CSMD1: variants seen among roughly 807,000 people sequenced by gnomAD.
The protein encoded by CSMD1 is CUB and Sushi multiple domains 1, also known as CUB and sushi domain-containing protein 1.
Under a neutral mutation model 417.5 loss-of-function variants are expected in CSMD1, and 213 were observed. The observed-to-expected ratio is 0.51, with a 90% confidence interval of 0.46 to 0.57. The LOEUF (loss-of-function observed/expected upper bound fraction) is 0.57. Among genes scored for constraint, CSMD1 ranks in the 20% least tolerant of loss-of-function variants. The probability of loss-of-function intolerance (pLI) is 0.00; values close to 1 mark genes in which losing one functional copy is unlikely to be tolerated. For missense variants in CSMD1, 6,923 were observed against 4,529.7 expected (o/e 1.53, Z -15.17); for synonymous variants, 2,862 against 1,736.8 (o/e 1.65, Z -16.11).
chr8:3,981,810 C>T (rs1158103104), intron 5 of CSMD1, among the ~76,000 whole-genome samples: 4 of 152,148 alleles, frequency 2.6e-5, no homozygotes. Context: ...GTTAGCAGAG[C>T]CTCACTTTTC....
At chr8:4,728,596 A>T (rs1043819338) in intron 1 of CSMD1, among the ~76,000 whole-genome samples, 1 of 152,194 alleles carries the variant, frequency 6.6e-6, no homozygotes, top group Non-Finnish European at 1.5e-5. Flanking sequence ...ACCATTTAAC[A>T]CATGTCCTTC....
intron 29 of CSMD1, among the ~76,000 whole-genome samples, chr8:3,217,448 C>T (rs1362716568): frequency 6.6e-6 from 1 of 152,118 alleles, no homozygotes; most frequent in Non-Finnish European, 1.5e-5. Flanking sequence ...CCGGGGAGAA[C>T]AGGAGTTGTC....
chr8:4,573,379 TC>T (rs1354731922), intron 2 of CSMD1, among the ~76,000 whole-genome samples: 10 of 152,282 alleles, frequency 6.6e-5, no homozygotes, highest in Non-Finnish European at 1.3e-4. Context: ...GTCAGGCCCC[TC>T]TTCTGCAGGT....
At chr8:4,977,036 G>A (rs1407450267) in intron 1 of CSMD1, among the ~76,000 whole-genome samples, 2 of 152,100 alleles carry the variant, frequency 1.3e-5, no homozygotes, top group African/African-American at 2.4e-5. Flanking sequence ...TTATGTGTTG[G>A]CAAAATGCTC....
At chr8:4,545,538 T>G (rs1043722932) in intron 2 of CSMD1, among the ~76,000 whole-genome samples, 1 of 151,944 alleles carries the variant, frequency 6.6e-6, no homozygotes, top group Non-Finnish European at 1.5e-5. Context: ...AATCTACATA[T>G]ATAAAAATGT....
intron 1 of CSMD1, among the ~76,000 whole-genome samples, chr8:4,800,361 G>A (rs945754394): frequency 2.6e-5 from 4 of 151,436 alleles, no homozygotes; most frequent in Non-Finnish European, 5.9e-5. Context: ...AACCTGGGAG[G>A]TGGAGGTTGC....
intron 11 of CSMD1, among the ~76,000 whole-genome samples, chr8:3,474,081 G>T (rs751651851): frequency 6.6e-6 from 1 of 152,108 alleles, no homozygotes; most frequent in Non-Finnish European, 1.5e-5. Context: ...TACAATTAGA[G>T]ATGAGATTTG....
intron 3 of CSMD1, among the ~76,000 whole-genome samples, chr8:4,292,552 C>A (rs529514610): frequency 6.6e-6 from 1 of 152,090 alleles, no homozygotes; most frequent in Non-Finnish European, 1.5e-5. Context: ...CCACCGTGCC[C>A]GCCCGAATTT....
chr8:3,170,356 T>C (rs372134163), intron 37 of CSMD1, among the ~76,000 whole-genome samples: 4,290 of 152,234 alleles, frequency 0.028, 257 homozygotes, highest in East Asian at 0.19. Context: ...TACAGGCGCC[T>C]ACCACCATAC....
chr8:3,883,464 G>A (rs1013213199), intron 5 of CSMD1, among the ~76,000 whole-genome samples: 60 of 152,190 alleles, frequency 3.9e-4, no homozygotes, highest in African/African-American at 1.4e-3. Flanking sequence ...GTGTATAAGT[G>A]TGTATATATG....
chr8:3,896,957 T>C (rs1371605737), intron 5 of CSMD1, among the ~76,000 whole-genome samples: 1 of 151,986 alleles, frequency 6.6e-6, no homozygotes, highest in Non-Finnish European at 1.5e-5. Context: ...CCTAATGAAA[T>C]CTGCTTAACA....
At chr8:3,568,347 T>C (rs1220460977) in intron 10 of CSMD1, among the ~76,000 whole-genome samples, 1 of 152,184 alleles carries the variant, frequency 6.6e-6, no homozygotes, top group Non-Finnish European at 1.5e-5. Context: ...TAATATTTCA[T>C]TGTGCTTGTA....
At chr8:4,882,217 A>G (rs886794896) in intron 1 of CSMD1, among the ~76,000 whole-genome samples, 1 of 151,948 alleles carries the variant, frequency 6.6e-6, no homozygotes, top group Non-Finnish European at 1.5e-5. Flanking sequence ...GATTTCCCAC[A>G]CACTGGGACC....
At chr8:4,684,956 T>C (rs1476622602) in intron 1 of CSMD1, among the ~76,000 whole-genome samples, 3 of 152,148 alleles carry the variant, frequency 2.0e-5, no homozygotes, top group Non-Finnish European at 4.4e-5. Context: ...ATTGCTGAAA[T>C]GGAAGCCTAT....
At chr8:4,063,972 G>C (rs1225629738) in intron 3 of CSMD1, among the ~76,000 whole-genome samples, 2 of 152,110 alleles carry the variant, frequency 1.3e-5, no homozygotes, top group Admixed American at 6.6e-5. Flanking sequence ...CAAAAAGAGA[G>C]TGTGTGTTGG....
intron 1 of CSMD1, among the ~76,000 whole-genome samples, chr8:4,673,923 A>G (rs1805511802): frequency 6.6e-6 from 1 of 152,176 alleles, no homozygotes; most frequent in African/African-American, 2.4e-5. Flanking sequence ...GAGGATAGAT[A>G]AAAAGCCCTA....
Position 2,950,249 on chromosome 8 carries a change from G to T in CSMD1, c.10296C>A (p.Asn3432Lys), listed in dbSNP as rs775400212. 1.9e-6 allele frequency: 3 copies of T among 1,610,012 alleles called. No homozygotes were observed. The highest frequency in any genetic ancestry group is 2.5e-6 in the Non-Finnish European group (3 of 1,176,488). Reference protein sequence around the residue: ...DIFVSKFENDNWGLDGYVSSG... With the variant: ...DIFVSKFENDKWGLDGYVSSG... ...TACTTACATAACCATCTAGTCCCCA[G>T]TTGTCATTTTCGAACTTGCTTACAA... is the stretch of plus-strand genomic sequence containing the variant. Residue 3432 changes from asparagine (N) to lysine (K), a missense_variant, in exon 67 of 70, where the codon AAC (asparagine) becomes AAA (lysine). Coordinates refer to ENST00000635120, the MANE Select transcript of CSMD1 (RefSeq NM_033225.6).
chr8:4,186,173 G>C (rs1204160937), intron 3 of CSMD1, among the ~76,000 whole-genome samples: 3 of 152,114 alleles, frequency 2.0e-5, no homozygotes. Context: ...AGCAGTCAAG[G>C]TGCCCTGAAT....
chr8:2,960,485 G>T (rs1803361180), intron 62 of CSMD1, among the ~76,000 whole-genome samples: 1 of 152,314 alleles, frequency 6.6e-6, no homozygotes, highest in Non-Finnish European at 1.5e-5. Flanking sequence ...GAAGTTATGG[G>T]AGTACTTAAG....
Sources: allele counts gnomAD v4.1 joint callset (sites outside exome capture counted in the v4.1 genomes callset), GRCh38; gene constraint gnomAD v4.1.1; transcripts MANE v1.5; gene names NCBI Gene and HGNC (gene_info 2026-07-23, HGNC 2026-07-21).